RBFOX1: variants seen among roughly 807,000 people sequenced by gnomAD.
RBFOX1 encodes RNA binding fox-1 homolog 1, also known as RNA binding protein fox-1 homolog 1.
In RBFOX1, 8 loss-of-function variants were observed where a neutral mutation model predicts 57.7. The ratio of observed to expected loss-of-function variants is 0.14; its 90% CI spans 0.08 to 0.25. The LOEUF (loss-of-function observed/expected upper bound fraction) is 0.25. Ranked by LOEUF, RBFOX1 falls within the 10% of genes least tolerant of loss-of-function variation. The pLI is 1.00. For missense variants in RBFOX1, 611 were observed against 548.5 expected (o/e 1.11, Z -1.14); for synonymous variants, 326 against 222.4 (o/e 1.47, Z -4.15).
At position 5,541,351 on chromosome 16, in the gene RBFOX1, C is replaced by A. The variant is rs181194609; in HGVS notation, c.259-57551C>A. Among the ~76,000 whole-genome samples the A allele has an allele frequency of 5.8e-3, 890 of 152,230 alleles. 12 individuals are homozygous for A. The highest frequency in any genetic ancestry group is 0.02 in the African/African-American group (832 of 41,534). ...AGGTTGAGGACACACGCCCATGACACTGCCTCAGGAGGTCTTCATGACATG... is the reference window on the plus strand; with the variant it reads ...AGGTTGAGGACACACGCCCATGACAATGCCTCAGGAGGTCTTCATGACATG... On this transcript the variant is annotated intron_variant, in intron 2 of 2. Coordinates refer to the RBFOX1 transcript ENST00000585867.
chr16:5,546,656 C>G (rs188656723), intron 2 of RBFOX1, among the ~76,000 whole-genome samples: 114 of 152,268 alleles, frequency 7.5e-4, no homozygotes, highest in African/African-American at 2.7e-3. Context: ...TGTAAACCTT[C>G]TAAAGATACC....
chr16:5,344,393 T>C (rs1160977146), intron 1 of RBFOX1, among the ~76,000 whole-genome samples: 1 of 152,180 alleles, frequency 6.6e-6, no homozygotes, highest in Non-Finnish European at 1.5e-5. Context: ...GGGATCAAGC[T>C]AAAAAAGTAA....
chr16:6,661,031 A>G (rs147350256), intron 3 of RBFOX1, among the ~76,000 whole-genome samples: 41 of 152,302 alleles, frequency 2.7e-4, no homozygotes, highest in African/African-American at 6.7e-4. Context: ...GTGAAGTCCT[A>G]TGTACTGCAG....
In RBFOX1 at chr16:6,235,246, C is replaced by T. The variant is rs113123612; in HGVS notation, c.-126-81749C>T. Reference sequence around the variant, plus strand: ...CACCCTTCTTCCATGTGGTCATTCACATCTCGGAAGGCCTAACTCCCCTCC... The same window carrying T: ...CACCCTTCTTCCATGTGGTCATTCATATCTCGGAAGGCCTAACTCCCCTCC... On this transcript the variant is annotated intron_variant, in intron 1 of 15. Coordinates refer to ENST00000550418, the MANE Select transcript of RBFOX1 (RefSeq NM_018723.4). 2.2e-3 allele frequency among the ~76,000 whole-genome samples: 341 copies of T among 152,212 alleles called. 3 individuals carry two copies. In the South Asian group the frequency reaches 0.024, roughly 11 times the overall value.
At chr16:6,121,858 T>A (rs2096552313) in intron 1 of RBFOX1, among the ~76,000 whole-genome samples, 1 of 152,228 alleles carries the variant, frequency 6.6e-6, no homozygotes, top group Non-Finnish European at 1.5e-5. Context: ...AGGCAATACC[T>A]GTAAAATGCC....
intron 1 of RBFOX1, among the ~76,000 whole-genome samples, chr16:5,436,408 A>T (rs185634480): frequency 5.3e-5 from 8 of 152,334 alleles, no homozygotes; most frequent in Admixed American, 1.3e-4. Context: ...TTACACTCAT[A>T]CAAAGCCTGG....
chr16:7,173,585 A>G (rs67852724), intron 4 of RBFOX1, among the ~76,000 whole-genome samples: 33,181 of 151,914 alleles, frequency 0.22, 5,895 homozygotes, highest in African/African-American at 0.48. Flanking sequence ...AGTGCATACT[A>G]CTTTTACACT....
intron 4 of RBFOX1, among the ~76,000 whole-genome samples, chr16:7,230,623 C>G (rs1282090710): frequency 1.3e-5 from 2 of 152,152 alleles, no homozygotes; most frequent in Admixed American, 6.5e-5. Context: ...CTACCACTAG[C>G]TTCTGATGCA....
intron 2 of RBFOX1, among the ~76,000 whole-genome samples, chr16:6,563,889 T>G (rs889339220): frequency 6.6e-6 from 1 of 151,864 alleles, no homozygotes; most frequent in Non-Finnish European, 1.5e-5. Flanking sequence ...TGTGTGTGTG[T>G]GTATATGTGC....
At chr16:5,551,427 C>G (rs1312528455) in intron 2 of RBFOX1, among the ~76,000 whole-genome samples, 1 of 152,218 alleles carries the variant, frequency 6.6e-6, no homozygotes, top group African/African-American at 2.4e-5. Flanking sequence ...GCGATTCCAA[C>G]AAGCATCTCT....
At chr16:6,555,699 GAAAAA>G (rs35609004) in intron 2 of RBFOX1, among the ~76,000 whole-genome samples, 1 of 149,114 alleles carries the variant, frequency 6.7e-6, no homozygotes, top group Non-Finnish European at 1.5e-5. Context: ...GACTCTGTCT[GAAAAA>G]AAAACAAAAC....
chr16:6,104,352 A>C (rs1380296955), intron 1 of RBFOX1, among the ~76,000 whole-genome samples: 1 of 152,198 alleles, frequency 6.6e-6, no homozygotes, highest in African/African-American at 2.4e-5. Flanking sequence ...TAAAGAATAA[A>C]TACCTTCTTC....
intron 2 of RBFOX1, among the ~76,000 whole-genome samples, chr16:6,623,000 A>G (rs2098254947): frequency 6.6e-6 from 1 of 152,162 alleles, no homozygotes; most frequent in Non-Finnish European, 1.5e-5. Flanking sequence ...AGCTATTTTA[A>G]TGAACACACC....
intron 3 of RBFOX1, among the ~76,000 whole-genome samples, chr16:5,792,240 A>G (rs757107189): frequency 6.6e-6 from 1 of 152,200 alleles, no homozygotes; most frequent in Non-Finnish European, 1.5e-5. Context: ...GTAAATGGTC[A>G]GTTCTGTTGT....
chr16:6,933,712 C>G (rs540747090), intron 3 of RBFOX1, among the ~76,000 whole-genome samples: 2 of 152,312 alleles, frequency 1.3e-5, no homozygotes, highest in African/African-American at 2.4e-5. Context: ...GAGACTGCGT[C>G]TCATTAAAAC....
intron 1 of RBFOX1, chr16:6,092,795 C>T (rs932068384): frequency 5.9e-5 from 9 of 152,046 alleles, no homozygotes; most frequent in African/African-American, 2.2e-4. Flanking sequence ...GTTACTGTAG[C>T]CTTGTAGTAT....
chr16:6,831,705 C>T (rs1033532328), intron 3 of RBFOX1, among the ~76,000 whole-genome samples: 18 of 152,112 alleles, frequency 1.2e-4, no homozygotes, highest in Admixed American at 9.2e-4. Context: ...TAACTCTTTG[C>T]CCCTTCCTCC....
chr16:6,955,850 T>C (rs2081704914), intron 3 of RBFOX1, among the ~76,000 whole-genome samples: 1 of 151,990 alleles, frequency 6.6e-6, no homozygotes, highest in Non-Finnish European at 1.5e-5. Flanking sequence ...GGATTATAGA[T>C]GCATGCCACC....
At chr16:6,188,727 T>A (rs1020128346) in intron 1 of RBFOX1, among the ~76,000 whole-genome samples, 5 of 152,114 alleles carry the variant, frequency 3.3e-5, no homozygotes, top group African/African-American at 9.7e-5. Context: ...GGCGAAAAAA[T>A]GGAACACAGT....
Sources: allele counts gnomAD v4.1 joint callset (sites outside exome capture counted in the v4.1 genomes callset), GRCh38; gene constraint gnomAD v4.1.1; transcripts MANE v1.5; gene names NCBI Gene and HGNC (gene_info 2026-07-23, HGNC 2026-07-21).